Variants in MYOT observed in about 807,000 individuals in gnomAD.
MYOT encodes the protein 57 kDa cytoskeletal protein.
MYOT carries 36 observed loss-of-function variants against 58.0 expected under a neutral mutation model. That is an observed-to-expected ratio of 0.62 (90% CI 0.48 to 0.82). The LOEUF is 0.82. Among genes scored for constraint, MYOT ranks in the 40% least tolerant of loss-of-function variants. MYOT has a pLI of 0.00. For synonymous variants in MYOT, 218 were observed against 204.6 expected (o/e 1.07, Z -0.56); for missense variants, 505 against 592.1 (o/e 0.85, Z 1.53).
intron 4 of MYOT, among the ~76,000 whole-genome samples, chr5:137,877,880 C>T (rs1266345264): frequency 6.6e-6 from 1 of 152,046 alleles, no homozygotes; most frequent in Non-Finnish European, 1.5e-5. Flanking sequence ...TTTATCAGGA[C>T]ATTTATGGGT....
At chr5:137,876,609 A>G (rs1755230280) in intron 3 of MYOT, among the ~76,000 whole-genome samples, 2 of 152,138 alleles carry the variant, frequency 1.3e-5, no homozygotes, top group Admixed American at 6.5e-5. Flanking sequence ...GTTCGAGAAC[A>G]GCCAGACCAA....
At chr5:137,870,095 T>C (rs1221632162) in intron 1 of MYOT, among the ~76,000 whole-genome samples, 1 of 141,588 alleles carries the variant, frequency 7.1e-6, no homozygotes, top group East Asian at 2.0e-4. Flanking sequence ...TTAAGACTAG[T>C]CTAGGCAACA....
rs121908460 is a variant in MYOT at position 137,870,935 on chromosome 5, G to T, written c.284G>T (p.Ser95Ile). 1 of 1,614,200 alleles carries T rather than the reference G, an allele frequency of 6.2e-7. No individual in the cohort carries two copies. The highest frequency in any genetic ancestry group is 8.5e-7 in the Non-Finnish European group (1 of 1,180,040). The change falls in exon 2 of 10, where the codon AGC (serine) becomes ATC (isoleucine). Residue 95 changes from serine (S) to isoleucine (I), a missense_variant. Ser to Ile is a moderately radical substitution (Grantham distance 142, BLOSUM62 -2). Transcript: ENST00000239926. ...VTTTYNQSPA[S>I]FLSSILPSQP... ...ACCACCTATAACCAGTCCCCAGCCA[G>T]CTTCCTCAGCTCCATATTACCATCA...
At chr5:137,881,791 G>C (rs2149986728) in intron 5 of MYOT, among the ~76,000 whole-genome samples, 182 bp from the exon 6 acceptor site, 1 of 152,080 alleles carries the variant, frequency 6.6e-6, no homozygotes, top group East Asian at 1.9e-4. Flanking sequence ...CCGCCTCCCG[G>C]GTTCAAGCGA....
Position 137,881,976 on chromosome 5 carries a change from T to C in MYOT, c.687T>C (p.Ser229=). The C allele has an allele frequency of 6.2e-7, 1 of 1,613,874 alleles. No individual in the cohort carries two copies. The highest frequency in any genetic ancestry group is 1.3e-5 in the African/African-American group (1 of 75,056). The part of the protein sequence containing the change: ...RLQVPTSQVR[S]RSTSRGDVND... ...TGTTACCAAAATATTCTTGTAGAAG[T>C]AGATCAACCTCAAGGGGAGATGTGA... Residue 229 remains serine, a synonymous_variant, in exon 6 of 10, where the codon AGT becomes AGC. Coordinates refer to ENST00000239926, the MANE Select transcript of MYOT (RefSeq NM_006790.3).
intron 4 of MYOT, chr5:137,880,594 T>C (rs1755394546): frequency 2.2e-6 from 1 of 459,404 alleles, no homozygotes; most frequent in Admixed American, 3.8e-5. Flanking sequence ...TTTTCATAAA[T>C]AATACTTGTT....
intron 2 of MYOT, among the ~76,000 whole-genome samples, chr5:137,874,432 A>C (rs1249581657): frequency 6.6e-6 from 1 of 152,174 alleles, no homozygotes; most frequent in African/African-American, 2.4e-5. Flanking sequence ...GCGCCACTGC[A>C]CTCCAGCCTG....
Position 137,875,800 on chromosome 5 carries a change from T to C in MYOT, c.357-29T>C, listed in dbSNP as rs1216235453. ...CAAAATGAGGCCAAGACCTTCTTTT[T>C]AAAAATCTTTTCTTTTTCCTTTTTA... On this transcript the variant is annotated intron_variant, in intron 2 of 9. Coordinates refer to ENST00000239926, the MANE Select transcript of MYOT (RefSeq NM_006790.3). 7 of 1,613,016 alleles carry C rather than the reference T, an allele frequency of 4.3e-6. No individual in the cohort carries two copies. In the Admixed American group the frequency reaches 1.0e-4, roughly 23 times the overall value.
At chr5:137,879,496 T>G (rs950237134) in intron 4 of MYOT, among the ~76,000 whole-genome samples, 3 of 150,928 alleles carry the variant, frequency 2.0e-5, no homozygotes, top group African/African-American at 7.3e-5. Flanking sequence ...CAAAGCAATA[T>G]TATACTGATG....
At chr5:137,877,295 G>C (rs1755259088) in intron 3 of MYOT, among the ~76,000 whole-genome samples, 1 of 149,762 alleles carries the variant, frequency 6.7e-6, no homozygotes, top group African/African-American at 2.5e-5. Flanking sequence ...GTGAACCCAG[G>C]AGGCGGAGGT....
chr5:137,880,056 T>G (rs1317778146), intron 4 of MYOT, among the ~76,000 whole-genome samples: 1 of 152,206 alleles, frequency 6.6e-6, no homozygotes, highest in Non-Finnish European at 1.5e-5. Context: ...TGTGTGCTCC[T>G]ACAGAGCTTT....
At chr5:137,869,319 G>A (rs1004794609) in intron 1 of MYOT, among the ~76,000 whole-genome samples, 1 of 152,148 alleles carries the variant, frequency 6.6e-6, no homozygotes, top group African/African-American at 2.4e-5. Context: ...AACAGGATTA[G>A]TGTGAAAACA....
At chr5:137,872,631 G>C (rs758433404) in intron 2 of MYOT, among the ~76,000 whole-genome samples, 3 of 152,128 alleles carry the variant, frequency 2.0e-5, no homozygotes, top group Admixed American at 2.0e-4. Flanking sequence ...GGAAAGCCCT[G>C]GCCCTTTGAA....
chr5:137,871,041 A>T (rs773630096), intron 2 of MYOT, 34 bp downstream of exon 2: 19 of 1,574,448 alleles, frequency 1.2e-5, no homozygotes, highest in Admixed American at 1.7e-5. Context: ...ATGTACAGTG[A>T]ACTTATATCT....
At position 137,886,990 on chromosome 5, in the gene MYOT, C is replaced by T. The variant is rs147891371; in HGVS notation, c.1317C>T (p.Asp439=). 20 of 1,613,060 alleles carry T rather than the reference C, an allele frequency of 1.2e-5. No homozygotes were observed. Among genetic ancestry groups the T allele is most frequent in the Non-Finnish European group, 1.4e-5 (17 of 1,179,206 alleles). ...AGVTTCNTRL[D]VTARPNQTLP... Reference sequence around the variant, plus strand: ...TGACTACATGTAACACAAGATTAGACGTTACGGGTATGTCATACTATTAAC... The same window carrying T: ...TGACTACATGTAACACAAGATTAGATGTTACGGGTATGTCATACTATTAAC... The change falls in exon 9 of 10, where the codon GAC becomes GAT. Residue 439 remains aspartate (D), a synonymous_variant. Transcript: ENST00000239926.
At chr5:137,880,608 T>C (rs1755394962) in intron 4 of MYOT, 2 of 509,736 alleles carry the variant, frequency 3.9e-6, no homozygotes, top group Admixed American at 6.9e-5. Context: ...ACTTGTTGAA[T>C]AGTCCCATTA....
At chr5:137,869,194 T>C (rs955173960) in intron 1 of MYOT, among the ~76,000 whole-genome samples, 6 of 152,220 alleles carry the variant, frequency 3.9e-5, no homozygotes, top group Admixed American at 2.0e-4. Context: ...ACAAACAATT[T>C]GGTTAATTTT....
intron 2 of MYOT, among the ~76,000 whole-genome samples, chr5:137,874,752 T>C (rs1323182681): frequency 6.6e-6 from 1 of 152,230 alleles, no homozygotes; most frequent in Admixed American, 6.5e-5. Flanking sequence ...CATCCCATTT[T>C]TTCTCTAAAA....
rs188073181 is a variant in MYOT, at chr5:137,882,456, T to C, written c.816+351T>C. On this transcript the variant is annotated intron_variant, in intron 6 of 9. Coordinates refer to ENST00000239926, the MANE Select transcript of MYOT (RefSeq NM_006790.3). The stretch of plus-strand genomic sequence containing the variant: ...TAATTTTTAAAGTACAATGCCCTTT[T>C]TTTTTTTTTTGAGACAGGGTCTTGC... Among the ~76,000 whole-genome samples the C allele has an allele frequency of 1.4e-4, 21 of 152,084 alleles. No individual in the cohort carries two copies. In the East Asian group the frequency reaches 3.9e-3, roughly 28 times the overall value.
Sources: gnomAD v4.1 joint callset for allele counts (sites outside exome capture counted in the v4.1 genomes callset) on GRCh38, gnomAD v4.1.1 for gene constraint, MANE v1.5 for transcripts, NCBI Gene and HGNC (gene_info 2026-07-23, HGNC 2026-07-21) for gene names.